The following STAG1 variants were observed in gnomAD, a reference collection of about 807,000 sequenced individuals.
STAG1 encodes the protein cohesin subunit SA-1.
Under a neutral mutation model 170.9 loss-of-function variants are expected in STAG1, and 26 were observed. The observed-to-expected ratio is 0.15, with a 90% CI of 0.11 to 0.21. The LOEUF (loss-of-function observed/expected upper bound fraction) is 0.21. Among genes scored for constraint, STAG1 ranks in the 10% least tolerant of loss-of-function variants. STAG1 has a pLI of 1.00. For synonymous variants in STAG1, 514 were observed against 497.7 expected, an observed-to-expected ratio of 1.03 and a Z score of -0.44; for missense variants, 964 against 1,509.5, an observed-to-expected ratio of 0.64 and a Z score of 5.99.
intron 12 of STAG1, among the ~76,000 whole-genome samples, chr3:136,470,699 G>A (rs1156506518): frequency 1.3e-5 from 2 of 152,128 alleles, no homozygotes; most frequent in Non-Finnish European, 2.9e-5. Flanking sequence ...GTTTATTGCG[G>A]CACTATTCAC....
At chr3:136,498,280 C>T (rs370106271) in intron 9 of STAG1, among the ~76,000 whole-genome samples, 46 of 78,160 alleles carry the variant, frequency 5.9e-4, no homozygotes, top group African/African-American at 2.8e-3. Flanking sequence ...ACACCACACA[C>T]ACATACACAC....
intron 22 of STAG1, among the ~76,000 whole-genome samples, chr3:136,396,182 G>C (rs529480965): frequency 6.7e-6 from 1 of 150,018 alleles, no homozygotes; most frequent in Admixed American, 6.7e-5. Context: ...GATTACAGGC[G>C]TGAGCCGCCA....
chr3:136,645,461 C>T (rs1940972607), intron 1 of STAG1, among the ~76,000 whole-genome samples: 1 of 152,172 alleles, frequency 6.6e-6, no homozygotes, highest in Non-Finnish European at 1.5e-5. Flanking sequence ...TCCATTTCAC[C>T]TCCATCACAT....
chr3:136,675,733 CACT>C (rs1451066792), intron 1 of STAG1, among the ~76,000 whole-genome samples: 2 of 152,200 alleles, frequency 1.3e-5, no homozygotes, highest in East Asian at 1.9e-4. Context: ...CCCTGACAAT[CACT>C]ACTATTTGGA....
intron 1 of STAG1, among the ~76,000 whole-genome samples, chr3:136,662,154 T>A (rs1941604817): frequency 1.5e-5 from 1 of 65,434 alleles, no homozygotes; most frequent in Admixed American, 1.5e-4. Flanking sequence ...AGTTAGACTC[T>A]TTTTTTTTTT....
chr3:136,454,375 C>T (rs547906836), intron 13 of STAG1, among the ~76,000 whole-genome samples: 1 of 151,050 alleles, frequency 6.6e-6, no homozygotes, highest in Non-Finnish European at 1.5e-5. Flanking sequence ...CCACCGTGAT[C>T]GGCTTATTTT....
In STAG1 at chr3:136,541,538, T is replaced by TCACACACACACACACACACACA. The variant is rs59155124; in HGVS notation, c.471+559_471+580dup. Among the ~76,000 whole-genome samples, 77 of 123,204 alleles carry TCACACACACACACACACACACA rather than the reference T, an allele frequency of 6.2e-4. 1 individual carries two copies. Among genetic ancestry groups the TCACACACACACACACACACACA allele is most frequent in the Middle Eastern group, 4.2e-3 (1 of 238 alleles). The allele number at this position is 123,204 out of a possible 152,430, so 80.8% of individuals were successfully genotyped here. On this transcript the variant is annotated intron_variant, in intron 6 of 33. Transcript: ENST00000383202. ...AGTATCCCAAATAGAAGCTTAACAT[T>TCACACACACACACACACACACA]CACACACACACACACACACACACAC...
chr3:136,585,841 T>C (rs566797151), intron 4 of STAG1, among the ~76,000 whole-genome samples: 4 of 152,302 alleles, frequency 2.6e-5, no homozygotes, highest in African/African-American at 9.6e-5. Context: ...CATTCAGTTT[T>C]CTTTAGTAGT....
At chr3:136,412,681 A>G (rs1559785575) in intron 21 of STAG1, among the ~76,000 whole-genome samples, 1 of 152,238 alleles carries the variant, frequency 6.6e-6, no homozygotes, top group Non-Finnish European at 1.5e-5. Context: ...AAACTCAAGT[A>G]AGAACATTCT....
chr3:136,513,573 G>A (rs1934187156), intron 7 of STAG1, among the ~76,000 whole-genome samples: 1 of 151,854 alleles, frequency 6.6e-6, no homozygotes, highest in African/African-American at 2.4e-5. Flanking sequence ...ACAAGAAACA[G>A]GATCACAACC....
chr3:136,386,628 G>A (rs886645845), intron 22 of STAG1, among the ~76,000 whole-genome samples: 8 of 152,060 alleles, frequency 5.3e-5, no homozygotes, highest in African/African-American at 1.9e-4. Context: ...TTTTAAATGT[G>A]TGATTCCTTT....
intron 22 of STAG1, among the ~76,000 whole-genome samples, chr3:136,382,712 G>A (rs1938044281): frequency 1.3e-5 from 2 of 152,016 alleles, no homozygotes; most frequent in Admixed American, 1.3e-4. Context: ...CGCCTGGCCA[G>A]GCTTTCTTTA....
chr3:136,732,344 T>C (rs900014931), intron 1 of STAG1, among the ~76,000 whole-genome samples: 3 of 152,026 alleles, frequency 2.0e-5, no homozygotes, highest in Non-Finnish European at 4.4e-5. Context: ...GAGGTAACTT[T>C]CCAACTTTGC....
chr3:136,700,752 C>T (rs1374673463), intron 1 of STAG1, among the ~76,000 whole-genome samples: 1 of 151,742 alleles, frequency 6.6e-6, no homozygotes, highest in Non-Finnish European at 1.5e-5. Context: ...AAGTCCCTTC[C>T]AGTTACTGAA....
chr3:136,678,867 GAAAA>G (rs1559946236), intron 1 of STAG1, among the ~76,000 whole-genome samples: 1 of 120,036 alleles, frequency 8.3e-6, no homozygotes, highest in East Asian at 2.5e-4. Context: ...AAAAAAAAAA[GAAAA>G]AGAAGAAAAA....
At chr3:136,407,148 T>C (rs1234595808) in intron 21 of STAG1, among the ~76,000 whole-genome samples, 1 of 152,142 alleles carries the variant, frequency 6.6e-6, no homozygotes, top group Non-Finnish European at 1.5e-5. Context: ...TGCCTCAGCC[T>C]CCTGAGTAGC....
At chr3:136,625,238 C>T (rs1360244430) in intron 2 of STAG1, among the ~76,000 whole-genome samples, 3 of 152,186 alleles carry the variant, frequency 2.0e-5, no homozygotes, top group South Asian at 2.1e-4. Flanking sequence ...TCACCAAATG[C>T]TCTTTTAGGC....
At chr3:136,445,949 T>C (rs1422308975) in intron 14 of STAG1, among the ~76,000 whole-genome samples, 2 of 152,254 alleles carry the variant, frequency 1.3e-5, no homozygotes, top group African/African-American at 4.8e-5. Flanking sequence ...CAAATGATAA[T>C]CTGCATTTTA....
At chr3:136,590,582 T>C (rs112568077) in intron 4 of STAG1, among the ~76,000 whole-genome samples, 177 of 152,304 alleles carry the variant, frequency 1.2e-3, no homozygotes, top group African/African-American at 2.5e-3. Flanking sequence ...CTTTTATGCT[T>C]GAATAACCTA....
Sources: gnomAD v4.1 joint callset for allele counts (sites outside exome capture counted in the v4.1 genomes callset) on GRCh38, gnomAD v4.1.1 for gene constraint, MANE v1.5 for transcripts, NCBI Gene and HGNC (gene_info 2026-07-23, HGNC 2026-07-21) for gene names.